GALNT17: variants seen among roughly 807,000 people sequenced by gnomAD.
The protein encoded by GALNT17 is UDP-GalNAc:polypeptide N-acetylgalactosaminyltransferase-like 3.
A neutral mutation model predicts 63.7 loss-of-function variants in GALNT17; 29 were observed. The ratio of observed to expected loss-of-function variants is 0.46; its 90% CI spans 0.34 to 0.62. GALNT17 has a LOEUF of 0.62. GALNT17 is among the 20% of genes least tolerant of loss of function. The pLI is 0.01. For synonymous variants in GALNT17, 305 were observed against 318.3 expected (o/e 0.96, Z 0.45); for missense variants, 603 against 799.6 (o/e 0.75, Z 2.97).
At chr7:71,367,074 G>T (rs540219668) in intron 2 of GALNT17, among the ~76,000 whole-genome samples, 142 of 152,126 alleles carry the variant, frequency 9.3e-4, no homozygotes, top group African/African-American at 3.3e-3. Context: ...ATGTTGTTAG[G>T]TATGTATATT....
At chr7:71,683,837 G>A (rs1584136134) in intron 9 of GALNT17, among the ~76,000 whole-genome samples, 1 of 151,810 alleles carries the variant, frequency 6.6e-6, no homozygotes, top group South Asian at 2.1e-4. Flanking sequence ...ATGAAACCTC[G>A]TCTCTACTAA....
At chr7:71,309,839 G>A (rs1382240188) in intron 1 of GALNT17, among the ~76,000 whole-genome samples, 3 of 152,064 alleles carry the variant, frequency 2.0e-5, no homozygotes, top group African/African-American at 7.2e-5. Flanking sequence ...CTTTCTACCA[G>A]CCAACACTAA....
intron 6 of GALNT17, among the ~76,000 whole-genome samples, chr7:71,644,246 A>G (rs1790642659): frequency 6.6e-6 from 1 of 151,838 alleles, no homozygotes. Flanking sequence ...CACAGAAAAG[A>G]AAAATAGAGG....
intron 2 of GALNT17, among the ~76,000 whole-genome samples, chr7:71,382,512 TG>T (rs891607810): frequency 3.3e-5 from 5 of 152,062 alleles, no homozygotes; most frequent in Admixed American, 2.0e-4. Flanking sequence ...AAGTCAAAGG[TG>T]GTCCAACTGC....
chr7:71,337,966 G>A (rs1305760274), intron 2 of GALNT17, among the ~76,000 whole-genome samples: 2 of 152,012 alleles, frequency 1.3e-5, no homozygotes, highest in African/African-American at 4.8e-5. Flanking sequence ...GAAGCCAATC[G>A]CTTTGGGCAG....
chr7:71,372,094 C>T (rs900077822), intron 2 of GALNT17, among the ~76,000 whole-genome samples: 16 of 152,194 alleles, frequency 1.1e-4, no homozygotes, highest in Non-Finnish European at 1.8e-4. Context: ...GATCTTCCCG[C>T]GGCAGCTTCC....
At chr7:71,613,091 A>G (rs1411175615) in intron 6 of GALNT17, among the ~76,000 whole-genome samples, 1 of 152,286 alleles carries the variant, frequency 6.6e-6, no homozygotes, top group African/African-American at 2.4e-5. Flanking sequence ...GTTGGTTCCA[A>G]TTAAAAAGCA....
chr7:71,646,153 CT>C (rs1326118125), intron 6 of GALNT17, among the ~76,000 whole-genome samples: 1 of 152,202 alleles, frequency 6.6e-6, no homozygotes, highest in Non-Finnish European at 1.5e-5. Context: ...ATTTCTGCCC[CT>C]AACCTTACTG....
intron 9 of GALNT17, among the ~76,000 whole-genome samples, chr7:71,688,297 A>G (rs1791391405): frequency 1.3e-5 from 2 of 152,178 alleles, no homozygotes; most frequent in African/African-American, 4.8e-5. Flanking sequence ...CTCTCAAAAT[A>G]TTCAAAATGT....
chr7:71,486,384 ATAATAG>A (rs1311749649), intron 5 of GALNT17, among the ~76,000 whole-genome samples: 4 of 135,768 alleles, frequency 2.9e-5, no homozygotes, highest in African/African-American at 1.1e-4. Context: ...AATAATAATA[ATAATAG>A]TAAATAATAT....
At chr7:71,162,953 C>T (rs552482782) in intron 1 of GALNT17, among the ~76,000 whole-genome samples, 26 of 152,262 alleles carry the variant, frequency 1.7e-4, no homozygotes, top group Admixed American at 3.9e-4. Flanking sequence ...GCATGGAAGA[C>T]GCACTGTGGA....
chr7:71,349,422 CA>C (rs1792152883), intron 2 of GALNT17, among the ~76,000 whole-genome samples: 1 of 152,122 alleles, frequency 6.6e-6, no homozygotes, highest in Non-Finnish European at 1.5e-5. Context: ...GATCACCCAA[CA>C]GAACTCTGAG....
chr7:71,309,633 C>T (rs910147458), intron 1 of GALNT17, among the ~76,000 whole-genome samples: 3 of 152,046 alleles, frequency 2.0e-5, no homozygotes, highest in Admixed American at 2.0e-4. Context: ...ATTCAAGTTA[C>T]ATACTAGAGG....
At chr7:71,541,517 T>C (rs1249049457) in intron 5 of GALNT17, among the ~76,000 whole-genome samples, 1 of 152,066 alleles carries the variant, frequency 6.6e-6, no homozygotes, top group East Asian at 1.9e-4. Flanking sequence ...CTCGCCACTG[T>C]ATTCCGGCCT....
At chr7:71,605,549 G>A (rs930324245) in intron 6 of GALNT17, among the ~76,000 whole-genome samples, 13 of 147,528 alleles carry the variant, frequency 8.8e-5, no homozygotes, top group Non-Finnish European at 1.8e-4. Context: ...TAGCACCACT[G>A]CACTCCAGCC....
chr7:71,361,436 T>C (rs1792399373), intron 2 of GALNT17, among the ~76,000 whole-genome samples: 1 of 152,192 alleles, frequency 6.6e-6, no homozygotes, highest in Admixed American at 6.5e-5. Context: ...TCTTCCCCTT[T>C]CGATATTCCT....
intron 1 of GALNT17, among the ~76,000 whole-genome samples, chr7:71,240,425 C>T (rs1258679339): frequency 6.6e-6 from 1 of 152,166 alleles, no homozygotes; most frequent in Non-Finnish European, 1.5e-5. Flanking sequence ...CACTTCCCTT[C>T]TTGTCTCCCT....
At chr7:71,557,323 C>G (rs1789181690) in intron 5 of GALNT17, among the ~76,000 whole-genome samples, 1 of 152,164 alleles carries the variant, frequency 6.6e-6, no homozygotes, top group African/African-American at 2.4e-5. Flanking sequence ...GGAACCCTGT[C>G]AGTGTTGCTA....
At chr7:71,464,584 A>G (rs551016544) in intron 5 of GALNT17, among the ~76,000 whole-genome samples, 28 of 152,188 alleles carry the variant, frequency 1.8e-4, no homozygotes, top group Non-Finnish European at 2.8e-4. Flanking sequence ...CCTTTAGACC[A>G]CAGATATTTG....
Sources: gnomAD v4.1 joint callset for allele counts (sites outside exome capture counted in the v4.1 genomes callset) on GRCh38, gnomAD v4.1.1 for gene constraint, MANE v1.5 for transcripts, NCBI Gene and HGNC (gene_info 2026-07-23, HGNC 2026-07-21) for gene names.